COL25A1: variants seen among roughly 807,000 people sequenced by gnomAD.
COL25A1 encodes the protein collagen alpha-1(XXV) chain.
Under a neutral mutation model 128.4 loss-of-function variants are expected in COL25A1, and 103 were observed. The ratio of observed to expected loss-of-function variants is 0.80; its 90% CI spans 0.68 to 0.94. The LOEUF (loss-of-function observed/expected upper bound fraction) is 0.94. Ranked by LOEUF, COL25A1 falls within the 40% of genes least tolerant of loss-of-function variation. The pLI is 0.00. For synonymous variants in COL25A1, 279 were observed against 277.2 expected (o/e 1.01, Z -0.06); for missense variants, 745 against 840.0 (o/e 0.89, Z 1.40).
chr4:109,130,898 T>C (rs1193348761), intron 3 of COL25A1, among the ~76,000 whole-genome samples: 3 of 152,190 alleles, frequency 2.0e-5, no homozygotes, highest in African/African-American at 7.2e-5. Flanking sequence ...TTATAATTCA[T>C]ATACCAAAAC....
chr4:108,961,612 T>TTCTGTTCTGC (rs1750704082), intron 8 of COL25A1, among the ~76,000 whole-genome samples: 2 of 152,078 alleles, frequency 1.3e-5, no homozygotes, highest in Admixed American at 6.6e-5. Context: ...TTCTGTTCTG[T>TTCTGTTCTGC]TCTGTTCTGT....
chr4:109,166,395 T>C (rs1578336266), intron 3 of COL25A1, among the ~76,000 whole-genome samples: 2 of 152,352 alleles, frequency 1.3e-5, no homozygotes, highest in East Asian at 3.9e-4. Context: ...CCTTCTTTTA[T>C]GTCCTCAACC....
Position 108,911,008 on chromosome 4 carries a change from C to T in COL25A1, c.780+7164G>A, listed in dbSNP as rs750851928. On this transcript the variant is annotated intron_variant, in intron 13 of 37. Transcript: ENST00000399132. Reference sequence around the variant, plus strand: ...GTGGCCTGGTGTCAAATAAATGGAACGGGGTAGATTTCACCCGTTATGGTT... The same window carrying T: ...GTGGCCTGGTGTCAAATAAATGGAATGGGGTAGATTTCACCCGTTATGGTT... 2.6e-4 allele frequency among the ~76,000 whole-genome samples: 40 copies of T among 152,128 alleles called. 1 individual carries two copies. Among genetic ancestry groups the T allele is most frequent in the African/African-American group, 8.7e-4 (36 of 41,498 alleles).
At chr4:108,961,667 T>G (rs1158812374) in intron 8 of COL25A1, among the ~76,000 whole-genome samples, 1 of 146,078 alleles carries the variant, frequency 6.8e-6, no homozygotes, top group African/African-American at 2.5e-5. Context: ...TGGGCATCAC[T>G]CCCTCAGTCA....
At chr4:108,846,242 G>C in intron 27 of COL25A1, 23 bp from the exon 28 acceptor site, 1 of 1,475,498 alleles carries the variant, frequency 6.8e-7, no homozygotes, top group Non-Finnish European at 9.5e-7. Flanking sequence ...GACAAGGTTG[G>C]CATGTAAGCA....
chr4:108,940,788 AG>A, intron 9 of COL25A1, 142 bp from the exon 10 acceptor site: 2 of 589,924 alleles, frequency 3.4e-6, no homozygotes, highest in Non-Finnish European at 5.8e-6. Flanking sequence ...TAAAGCCTGT[AG>A]GCAATTTGCT....
intron 4 of COL25A1, 142 bp from the exon 5 acceptor site, chr4:109,048,317 A>T: frequency 1.3e-6 from 1 of 750,700 alleles, no homozygotes. Flanking sequence ...ACTGATTCTT[A>T]ATCATTTTTA....
At chr4:108,844,879 C>A (rs1258834552) in intron 29 of COL25A1, among the ~76,000 whole-genome samples, 6 of 152,158 alleles carry the variant, frequency 3.9e-5, no homozygotes, top group Non-Finnish European at 7.3e-5. Context: ...TAAGCATAAG[C>A]AGGGCTCTGG....
intron 5 of COL25A1, among the ~76,000 whole-genome samples, chr4:109,024,663 A>T (rs1560559836): frequency 6.6e-6 from 1 of 152,208 alleles, no homozygotes; most frequent in Non-Finnish European, 1.5e-5. Context: ...ATATATTGTC[A>T]CATGATAACT....
intron 12 of COL25A1, 50 bp downstream of exon 12, chr4:108,920,528 T>G: frequency 1.4e-6 from 2 of 1,434,160 alleles, no homozygotes; most frequent in Non-Finnish European, 1.9e-6. Flanking sequence ...TGCTTGCCAT[T>G]AGGTCATGAG....
chr4:108,869,903 T>C (rs1738491048), intron 19 of COL25A1, among the ~76,000 whole-genome samples: 1 of 152,132 alleles, frequency 6.6e-6, no homozygotes, highest in Non-Finnish European at 1.5e-5. Context: ...TCAACCTTTG[T>C]TTCATGATAC....
chr4:108,857,490 T>C (rs1188211265), intron 24 of COL25A1, among the ~76,000 whole-genome samples: 3 of 151,010 alleles, frequency 2.0e-5, no homozygotes, highest in African/African-American at 4.9e-5. Context: ...CTCCAAGCAG[T>C]AAACATGCTT....
chr4:109,294,655 G>A lies in COL25A1; in HGVS notation c.367+5928C>T, dbSNP rs145564164. 9.2e-4 allele frequency among the ~76,000 whole-genome samples: 140 copies of A among 152,128 alleles called. No individual in the cohort carries two copies. In the East Asian group the frequency reaches 0.014, roughly 16 times the overall value. ...GCACACTAGGCTATAGCCGCAGCCC[G>A]GATTGACTCATACATTGTTTTCACA... On this transcript the variant is annotated intron_variant, in intron 3 of 37. Coordinates refer to ENST00000399132, the MANE Select transcript of COL25A1 (RefSeq NM_198721.4).
intron 15 of COL25A1, 87 bp from the exon 16 acceptor site, chr4:108,896,798 G>T: frequency 8.7e-7 from 1 of 1,153,990 alleles, no homozygotes; most frequent in Non-Finnish European, 1.3e-6. Flanking sequence ...TTTCTTTCAT[G>T]AACACTACAT....
intron 6 of COL25A1, among the ~76,000 whole-genome samples, chr4:108,999,483 T>C (rs1181270976): frequency 1.3e-5 from 2 of 152,172 alleles, no homozygotes; most frequent in Non-Finnish European, 2.9e-5. Flanking sequence ...CTGGAGAGGA[T>C]GTAGAGAAAT....
intron 3 of COL25A1, among the ~76,000 whole-genome samples, chr4:109,173,971 T>A (rs1485579211): frequency 2.0e-5 from 3 of 152,202 alleles, no homozygotes; most frequent in Non-Finnish European, 4.4e-5. Flanking sequence ...ATTTTGGATT[T>A]TAGAGCACTT....
At chr4:108,932,939 T>C (rs1432046915) in intron 11 of COL25A1, among the ~76,000 whole-genome samples, 1 of 152,216 alleles carries the variant, frequency 6.6e-6, no homozygotes, top group East Asian at 1.9e-4. Flanking sequence ...CTTATTTAGA[T>C]GGAGTCAAAT....
intron 3 of COL25A1, among the ~76,000 whole-genome samples, chr4:109,223,593 AC>A (rs1778578207): frequency 1.3e-5 from 2 of 149,026 alleles, no homozygotes; most frequent in Non-Finnish European, 3.0e-5. Context: ...CCCCACCTTG[AC>A]CCTAACAGTA....
chr4:108,859,000 T>C (rs1046508306), intron 24 of COL25A1, among the ~76,000 whole-genome samples: 1 of 151,838 alleles, frequency 6.6e-6, no homozygotes, highest in African/African-American at 2.4e-5. Context: ...AATGCAGGAG[T>C]CTAAACATGA....
Sources: gnomAD v4.1 joint callset for allele counts (sites outside exome capture counted in the v4.1 genomes callset) on GRCh38, gnomAD v4.1.1 for gene constraint, MANE v1.5 for transcripts, NCBI Gene and HGNC (gene_info 2026-07-23, HGNC 2026-07-21) for gene names.